Variants in PPM1L observed in about 807,000 individuals in gnomAD.
PPM1L encodes protein phosphatase 1L.
A neutral mutation model predicts 31.4 loss-of-function variants in PPM1L; 13 were observed. The ratio of observed to expected loss-of-function variants is 0.41; its 90% CI spans 0.27 to 0.66. The LOEUF (loss-of-function observed/expected upper bound fraction) is 0.66. Ranked by LOEUF, PPM1L falls within the 30% of genes least tolerant of loss-of-function variation. The pLI is 0.29. For missense variants in PPM1L, 326 were observed against 453.7 expected (o/e 0.72, Z 2.56); for synonymous variants, 184 against 175.4 (o/e 1.05, Z -0.39).
At chr3:161,063,485 A>ATT (rs1719634568) in intron 2 of PPM1L, among the ~76,000 whole-genome samples, 1 of 151,896 alleles carries the variant, frequency 6.6e-6, no homozygotes, top group African/African-American at 2.4e-5. Flanking sequence ...TAGTTATTTT[A>ATT]ATTCTCTCTG....
chr3:161,032,187 G>A (rs558179306), intron 2 of PPM1L, among the ~76,000 whole-genome samples: 5 of 152,146 alleles, frequency 3.3e-5, no homozygotes, highest in Non-Finnish European at 5.9e-5. Flanking sequence ...TCCTGTAAGT[G>A]GCAGCATGAA....
chr3:160,796,307 G>A (rs1439327912), intron 1 of PPM1L, among the ~76,000 whole-genome samples: 1 of 152,176 alleles, frequency 6.6e-6, no homozygotes, highest in African/African-American at 2.4e-5. Context: ...TGGAGGTTAG[G>A]TGGGGTCTGG....
chr3:160,890,424 C>A (rs753281044), intron 1 of PPM1L, among the ~76,000 whole-genome samples: 7 of 152,104 alleles, frequency 4.6e-5, no homozygotes, highest in Non-Finnish European at 1.0e-4. Flanking sequence ...AGGAATACAG[C>A]TAACGAGATG....
At chr3:161,030,742 T>A (rs1286285868) in intron 2 of PPM1L, among the ~76,000 whole-genome samples, 1 of 152,088 alleles carries the variant, frequency 6.6e-6, no homozygotes, top group East Asian at 1.9e-4. Context: ...ATAGATAGCA[T>A]CCATACATCA....
intron 1 of PPM1L, among the ~76,000 whole-genome samples, chr3:160,785,951 A>G (rs1711902062): frequency 6.7e-6 from 1 of 149,982 alleles, no homozygotes; most frequent in South Asian, 2.1e-4. Flanking sequence ...ATTCCATTTG[A>G]TAGATACTGC....
At chr3:160,760,240 CA>C (rs1187406086) in intron 1 of PPM1L, among the ~76,000 whole-genome samples, 1 of 152,162 alleles carries the variant, frequency 6.6e-6, no homozygotes, top group African/African-American at 2.4e-5. Flanking sequence ...TCTTACTAGT[CA>C]AAAGGAATAT....
intron 2 of PPM1L, 65 bp from the exon 3 acceptor site, chr3:161,065,338 C>T (rs1719702851): frequency 6.6e-7 from 1 of 1,509,176 alleles, no homozygotes; most frequent in Admixed American, 1.8e-5. Flanking sequence ...CCAGTTACCA[C>T]AAGAAGCAAT....
intron 1 of PPM1L, among the ~76,000 whole-genome samples, chr3:160,882,658 A>G (rs1177012770): frequency 6.6e-6 from 1 of 152,216 alleles, no homozygotes; most frequent in Non-Finnish European, 1.5e-5. Context: ...TAGGACTTAA[A>G]CAGATCTCTT....
chr3:160,830,413 T>C (rs1308592916), intron 1 of PPM1L, among the ~76,000 whole-genome samples: 5 of 152,070 alleles, frequency 3.3e-5, no homozygotes, highest in African/African-American at 9.7e-5. Context: ...TGCATCCTAG[T>C]GGAGTCATTT....
At chr3:160,848,997 C>T (rs536094648) in intron 1 of PPM1L, among the ~76,000 whole-genome samples, 1 of 152,274 alleles carries the variant, frequency 6.6e-6, no homozygotes, top group Admixed American at 6.5e-5. Flanking sequence ...CCTTCTCTCT[C>T]CAGTACTACC....
At chr3:160,980,670 A>G (rs923052444) in intron 2 of PPM1L, among the ~76,000 whole-genome samples, 1 of 150,486 alleles carries the variant, frequency 6.6e-6, no homozygotes, top group African/African-American at 2.5e-5. Flanking sequence ...CTTGGAAAGA[A>G]AGAAAGAAGG....
intron 2 of PPM1L, among the ~76,000 whole-genome samples, chr3:160,969,057 C>T (rs1716241578): frequency 6.6e-6 from 1 of 152,184 alleles, no homozygotes. Flanking sequence ...TCTTGTGTTC[C>T]TTTGGGTATC....
chr3:161,028,159 G>A (rs1385810487), intron 2 of PPM1L, among the ~76,000 whole-genome samples: 7 of 152,148 alleles, frequency 4.6e-5, no homozygotes, highest in East Asian at 1.9e-4. Context: ...AAGGCTTACC[G>A]GGTGATTTGC....
chr3:160,920,488 T>A (rs1008597707), intron 1 of PPM1L, among the ~76,000 whole-genome samples: 26 of 152,218 alleles, frequency 1.7e-4, no homozygotes, highest in Non-Finnish European at 2.9e-4. Context: ...AAGGACTTGA[T>A]TTTTAGGAGT....
chr3:160,808,143 C>G (rs961955159), intron 1 of PPM1L, among the ~76,000 whole-genome samples: 1 of 152,188 alleles, frequency 6.6e-6, no homozygotes, highest in East Asian at 1.9e-4. Flanking sequence ...TTTATCTACA[C>G]TGAATTGGCA....
chr3:160,761,175 A>G (rs1046950589), intron 1 of PPM1L, among the ~76,000 whole-genome samples: 18 of 152,236 alleles, frequency 1.2e-4, no homozygotes, highest in Non-Finnish European at 1.6e-4. Context: ...AGTTTCAGAG[A>G]CAAGTGGATG....
intron 1 of PPM1L, among the ~76,000 whole-genome samples, chr3:160,776,604 C>CTTT (rs72051944): frequency 7.5e-6 from 1 of 132,960 alleles, no homozygotes; most frequent in African/African-American, 2.8e-5. Context: ...ACCTTGGTGC[C>CTTT]TTTTTTTTTT....
At chr3:160,930,765 T>C (rs1309607119) in intron 1 of PPM1L, among the ~76,000 whole-genome samples, 1 of 152,166 alleles carries the variant, frequency 6.6e-6, no homozygotes, top group East Asian at 1.9e-4. Context: ...GATGGCCGTC[T>C]TCAGTTCTTA....
At chr3:160,998,455 A>G (rs1366925554) in intron 2 of PPM1L, among the ~76,000 whole-genome samples, 2 of 152,190 alleles carry the variant, frequency 1.3e-5, no homozygotes, top group Non-Finnish European at 2.9e-5. Flanking sequence ...TATCCATGTC[A>G]TTCTTGTCCC....
Sources: gnomAD v4.1 joint callset for allele counts (sites outside exome capture counted in the v4.1 genomes callset) on GRCh38, gnomAD v4.1.1 for gene constraint, MANE v1.5 for transcripts, NCBI Gene and HGNC (gene_info 2026-07-23, HGNC 2026-07-21) for gene names.